Variants in AFF3 observed in about 807,000 individuals in gnomAD.
The protein encoded by AFF3 is AF4/FMR2 family member 3.
In AFF3, 32 loss-of-function variants were observed where a neutral mutation model predicts 129.7. The ratio of observed to expected loss-of-function variants is 0.25; its 90% CI spans 0.19 to 0.33. The LOEUF is 0.33. Among genes scored for constraint, AFF3 ranks in the 10% least tolerant of loss-of-function variants. The pLI is 1.00. For synonymous variants in AFF3, 644 were observed against 635.4 expected (o/e 1.01, Z -0.20); for missense variants, 1,373 against 1,592.0 (o/e 0.86, Z 2.34).
intron 11 of AFF3, among the ~76,000 whole-genome samples, chr2:99,703,383 C>T (rs1677058140): frequency 6.6e-6 from 1 of 152,162 alleles, no homozygotes; most frequent in African/African-American, 2.4e-5. Context: ...TATTCTATCA[C>T]AGTTTTTTTC....
rs113389748 is a variant in AFF3 at position 99,763,065 on chromosome 2, C to T, written c.922-10764G>A. On this transcript the variant is annotated intron_variant, in intron 8 of 24. Coordinates refer to ENST00000672756, the MANE Select transcript of AFF3 (RefSeq NM_001386135.1). ...CCTGGTGAAGAGGAAAACACCCCTA[C>T]GGGCCTGTACCTGGGACACCAGGCA... Among the ~76,000 whole-genome samples the T allele has an allele frequency of 5.2e-3, 790 of 152,346 alleles. 2 individuals are homozygous for T. Among genetic ancestry groups the T allele is most frequent in the African/African-American group, 0.018 (751 of 41,584 alleles).
rs180893326 is a variant in AFF3, at chr2:100,114,710, C to G, written c.-144-9127G>C. Reference sequence around the variant, plus strand: ...CCTGCATTTTTGCACCATCAGGCATCCTTTCACTAACAGAAAGGGTGGGTG... The same window carrying G: ...CCTGCATTTTTGCACCATCAGGCATGCTTTCACTAACAGAAAGGGTGGGTG... On this transcript the variant is annotated intron_variant, in intron 2 of 24. Coordinates refer to ENST00000672756, the MANE Select transcript of AFF3 (RefSeq NM_001386135.1). 6.6e-5 allele frequency among the ~76,000 whole-genome samples: 10 copies of G among 152,158 alleles called. No homozygotes were observed. In the East Asian group the frequency reaches 1.9e-3, roughly 29 times the overall value.
chr2:100,008,211 G>A (rs1682158755), intron 5 of AFF3, among the ~76,000 whole-genome samples: 1 of 152,176 alleles, frequency 6.6e-6, no homozygotes, highest in African/African-American at 2.4e-5. Context: ...AGAGTGACAG[G>A]CAAGAGATGT....
rs79590381 is a variant in AFF3 at position 99,583,225 on chromosome 2, A to G, written c.2592-226T>C. On this transcript the variant is annotated intron_variant, in intron 16 of 24. Transcript: ENST00000672756. ...CCATCAGGATGAGTAGTAATTCTGG[A>G]GCCAGCACCAAAGTACACGACTAAG... Among the ~76,000 whole-genome samples, 47 of 152,290 alleles carry G rather than the reference A, an allele frequency of 3.1e-4. 1 individual carries two copies. The East Asian group carries it at 6.6e-3, about 21-fold the overall frequency.
intron 7 of AFF3, among the ~76,000 whole-genome samples, chr2:99,840,636 C>T (rs909403784): frequency 1.3e-5 from 2 of 152,220 alleles, no homozygotes; most frequent in Non-Finnish European, 2.9e-5. Context: ...CAGTTGGCCA[C>T]ATACTTATTA....
chr2:99,782,384 C>A (rs767687579), intron 8 of AFF3, among the ~76,000 whole-genome samples: 5 of 152,210 alleles, frequency 3.3e-5, no homozygotes, highest in Non-Finnish European at 5.9e-5. Context: ...TCAAAAAGTA[C>A]AAGGTCAGAG....
At chr2:99,826,510 G>C (rs958268680) in intron 8 of AFF3, among the ~76,000 whole-genome samples, 12 of 152,196 alleles carry the variant, frequency 7.9e-5, no homozygotes, top group African/African-American at 2.9e-4. Flanking sequence ...TTCCTGGAGG[G>C]AGTGACATCT....
intron 11 of AFF3, among the ~76,000 whole-genome samples, chr2:99,686,535 C>T (rs1203346696): frequency 6.6e-6 from 1 of 152,158 alleles, no homozygotes; most frequent in Non-Finnish European, 1.5e-5. Flanking sequence ...TGTGAGCCAG[C>T]CATATTGCAT....
At chr2:100,129,471 A>G (rs754327716) in intron 1 of AFF3, among the ~76,000 whole-genome samples, 165 bp from the exon 2 acceptor site, 14 of 151,590 alleles carry the variant, frequency 9.2e-5, no homozygotes, top group Non-Finnish European at 1.5e-5. Context: ...TGGTCAGGTC[A>G]TTCTGCTGGG....
At chr2:100,011,561 T>A (rs1422758471) in intron 4 of AFF3, 1 of 781,056 alleles carries the variant, frequency 1.3e-6, no homozygotes, top group Admixed American at 1.7e-5. Flanking sequence ...TGGTTTAAGA[T>A]GTCTTCACCC....
chr2:99,699,462 T>C (rs553328271), intron 11 of AFF3, among the ~76,000 whole-genome samples: 12 of 152,306 alleles, frequency 7.9e-5, no homozygotes, highest in Middle Eastern at 6.8e-3. Context: ...ATACTAAAAG[T>C]GGGGAGAGCA....
At chr2:99,611,922 T>G (rs1481977072) in intron 13 of AFF3, among the ~76,000 whole-genome samples, 1 of 151,916 alleles carries the variant, frequency 6.6e-6, no homozygotes, top group Non-Finnish European at 1.5e-5. Flanking sequence ...AGGATATGAA[T>G]TTCCTGACCC....
chr2:99,547,251 C>T lies in AFF3; in HGVS notation c.*4223G>A. 4.6e-6 allele frequency: 1 copy of T among 216,018 alleles called. No individual in the cohort carries two copies. Among genetic ancestry groups the T allele is most frequent in the Non-Finnish European group, 9.4e-6 (1 of 106,874 alleles). The allele number at this position is 216,018 out of a possible 1,614,324, so 13.4% of individuals were successfully genotyped here. On this transcript the variant is annotated 3_prime_UTR_variant, in exon 25 of 25. Coordinates refer to ENST00000672756, the MANE Select transcript of AFF3 (RefSeq NM_001386135.1). ...CTTTTACGTACAACTCAACTTCTCT[C>T]ATTTACAACATAAATCATTTAATGT...
chr2:99,738,655 T>C (rs1025692951), intron 10 of AFF3, among the ~76,000 whole-genome samples: 1 of 152,164 alleles, frequency 6.6e-6, no homozygotes, highest in African/African-American at 2.4e-5. Context: ...TTGGCGTGGC[T>C]TTCCTGTATC....
chr2:100,037,070 T>C (rs1684981232), intron 4 of AFF3, among the ~76,000 whole-genome samples: 1 of 152,096 alleles, frequency 6.6e-6, no homozygotes, highest in Non-Finnish European at 1.5e-5. Flanking sequence ...TCAGTAATTC[T>C]ATTGTTAAAA....
At position 100,008,807 on chromosome 2, in the gene AFF3, T is replaced by A. The variant is rs1174035341; in HGVS notation, c.174+5A>T. On this transcript the variant is annotated splice_donor_5th_base_variant and intron_variant, in intron 5 of 24. Transcript: ENST00000672756. ...GGTAGAGATGAACAACTGAAAACCATCTACCTTGTAGGGCTCACTGAAGAG... is the reference window on the plus strand; with the variant it reads ...GGTAGAGATGAACAACTGAAAACCAACTACCTTGTAGGGCTCACTGAAGAG... The A allele has an allele frequency of 4.3e-6, 7 of 1,612,944 alleles. No individual in the cohort carries two copies. In the Admixed American group the frequency reaches 1.0e-4, roughly 23 times the overall value.
At chr2:99,932,129 G>A (rs898910763) in intron 7 of AFF3, among the ~76,000 whole-genome samples, 2 of 152,204 alleles carry the variant, frequency 1.3e-5, no homozygotes, top group Admixed American at 6.5e-5. Flanking sequence ...GCCCATGGAC[G>A]CATGCAGGCC....
At chr2:99,729,324 C>G (rs138121889) in intron 10 of AFF3, among the ~76,000 whole-genome samples, 2 of 152,152 alleles carry the variant, frequency 1.3e-5, no homozygotes, top group African/African-American at 4.8e-5. Context: ...GGGACAGATG[C>G]GCAGCTGATT....
intron 4 of AFF3, among the ~76,000 whole-genome samples, chr2:100,056,427 C>T (rs1686793375): frequency 6.6e-6 from 1 of 152,178 alleles, no homozygotes; most frequent in African/African-American, 2.4e-5. Context: ...ATGCTTTCCC[C>T]CTTGAAAGCT....
Sources: gnomAD v4.1 joint callset for allele counts (sites outside exome capture counted in the v4.1 genomes callset) on GRCh38, gnomAD v4.1.1 for gene constraint, MANE v1.5 for transcripts, NCBI Gene and HGNC (gene_info 2026-07-23, HGNC 2026-07-21) for gene names.